The following RASGRP2 variants were observed in gnomAD, a reference collection of about 807,000 sequenced individuals.
RASGRP2 encodes RAS guanyl-releasing protein 2.
In RASGRP2, 44 loss-of-function variants were observed where a neutral mutation model predicts 71.0. That is an observed-to-expected ratio of 0.62 (90% CI 0.49 to 0.80). RASGRP2 has a LOEUF of 0.80. Among genes scored for constraint, RASGRP2 ranks in the 30% least tolerant of loss-of-function variants. The probability of loss-of-function intolerance (pLI) is 0.00; values close to 1 mark genes in which losing one functional copy is unlikely to be tolerated. For synonymous variants in RASGRP2, 350 were observed against 330.7 expected, an observed-to-expected ratio of 1.06 and a Z score of -0.63; for missense variants, 663 against 813.4, an observed-to-expected ratio of 0.82 and a Z score of 2.25.
In RASGRP2 at chr11:64,739,633, C is replaced by A. The variant is rs1383218076; in HGVS notation, c.696+3G>T. ...GGAGACACCGGGAGGGAGGGGCAGGCACCTCCGCCACGTGGACAAAGTGTG... is the reference window on the plus strand; with the variant it reads ...GGAGACACCGGGAGGGAGGGGCAGGAACCTCCGCCACGTGGACAAAGTGTG... On this transcript the variant is annotated splice_donor_region_variant and intron_variant, in intron 7 of 16. Transcript: ENST00000394432. This position sits in a 1 kb window ranked among gnomAD's most constrained non-coding sequence, Gnocchi z 4.2. 1.2e-6 allele frequency: 2 copies of A among 1,612,878 alleles called. No individual in the cohort carries two copies. Among genetic ancestry groups the A allele is most frequent in the Non-Finnish European group, 1.7e-6 (2 of 1,179,104 alleles).
rs1266682533 is a variant in RASGRP2, at chr11:64,742,942, C to A, written c.-71-5G>T. On this transcript the variant is annotated splice_polypyrimidine_tract_variant and splice_region_variant and intron_variant, in intron 1 of 16. Coordinates refer to ENST00000394432, the MANE Select transcript of RASGRP2 (RefSeq NM_001098671.2). The surrounding 1 kb of genome is among the most constrained non-coding windows in gnomAD (Gnocchi z 4.7). ...CACCGGGCTCGGACCGAACCCCTGT[C>A]CCGGGAGAGGCAGAGCGGGAGTCTG... 1.3e-6 allele frequency: 2 copies of A among 1,531,294 alleles called. No individual in the cohort carries two copies. Among genetic ancestry groups the A allele is most frequent in the African/African-American group, 2.7e-5 (2 of 72,794 alleles). 94.9% of individuals were successfully genotyped at this position (1,531,294 alleles called of 1,614,324 possible). A position where few individuals can be genotyped will look rare whatever the true frequency, so the allele number is the denominator to read the frequency against.
Position 64,729,344 on chromosome 11 carries a change from G to T in RASGRP2, c.1592-302C>A, listed in dbSNP as rs868865885. 6.3e-4 allele frequency among the ~76,000 whole-genome samples: 92 copies of T among 146,484 alleles called. 1 individual carries two copies. In the Middle Eastern group the frequency reaches 0.011, roughly 17 times the overall value. Reference sequence around the variant, plus strand: ...TTTTGGTTTTGGGGGTTTTTTTGTTGTTTTTTTTTTTGAGACAGAGCCCTC... The same window carrying T: ...TTTTGGTTTTGGGGGTTTTTTTGTTTTTTTTTTTTTTGAGACAGAGCCCTC... On this transcript the variant is annotated intron_variant, in intron 14 of 16. Transcript: ENST00000394432.
chr11:64,737,073 A>G, intron 8 of RASGRP2, 39 bp from the exon 9 acceptor site: 2 of 1,610,920 alleles, frequency 1.2e-6, no homozygotes, highest in Non-Finnish European at 1.7e-6. Context: ...CCCCACAACT[A>G]TCCTCCCTAC....
chr11:64,727,384 G>A, intron 15 of RASGRP2, 24 bp from the exon 16 acceptor site: 1 of 1,612,588 alleles, frequency 6.2e-7, no homozygotes, highest in Middle Eastern at 1.7e-4. Context: ...GATTGCTGCA[G>A]AACACACTTC....
intron 8 of RASGRP2, chr11:64,737,332 A>C: frequency 2.3e-6 from 1 of 443,270 alleles, no homozygotes; most frequent in Non-Finnish European, 4.2e-6. Flanking sequence ...GCACAGGACA[A>C]TGACCTGGAA....
intron 3 of RASGRP2, among the ~76,000 whole-genome samples, 184 bp downstream of exon 3, chr11:64,741,826 C>T (rs1312651818): frequency 1.3e-5 from 2 of 152,008 alleles, no homozygotes; most frequent in Admixed American, 1.3e-4. Flanking sequence ...GGGACAGGAC[C>T]GAGTCGCTAG....
At chr11:64,727,635 C>T (rs2057614420) in intron 15 of RASGRP2, among the ~76,000 whole-genome samples, 1 of 151,970 alleles carries the variant, frequency 6.6e-6, no homozygotes, top group South Asian at 2.1e-4. Flanking sequence ...GCCTCAGCCT[C>T]CCAAGTAGCT....
chr11:64,734,746 G>C (rs1005945928), intron 12 of RASGRP2, among the ~76,000 whole-genome samples: 1 of 152,158 alleles, frequency 6.6e-6, no homozygotes, highest in Non-Finnish European at 1.5e-5. Flanking sequence ...ACTGGGTACT[G>C]CTAATTACAA....
At chr11:64,733,080 G>A (rs763745111) in intron 12 of RASGRP2, among the ~76,000 whole-genome samples, 6 of 151,826 alleles carry the variant, frequency 4.0e-5, no homozygotes, top group Admixed American at 1.3e-4. Flanking sequence ...AGCCAAGATC[G>A]CGCTATTGCA....
chr11:64,737,611 G>A (rs1592374021), intron 8 of RASGRP2, among the ~76,000 whole-genome samples: 2 of 149,140 alleles, frequency 1.3e-5, no homozygotes, highest in African/African-American at 4.9e-5. Flanking sequence ...GGCAGAGGGT[G>A]CAGTGATGCA....
intron 5 of RASGRP2, chr11:64,740,477 G>C (rs1292158874): frequency 1.6e-6 from 1 of 631,700 alleles, no homozygotes; most frequent in African/African-American, 1.8e-5. Context: ...AGAAACACAT[G>C]ATCACAAAAC....
intron 9 of RASGRP2, among the ~76,000 whole-genome samples, chr11:64,736,218 A>C (rs2057934411): frequency 6.6e-6 from 1 of 152,196 alleles, no homozygotes; most frequent in African/African-American, 2.4e-5. Flanking sequence ...TCAGGGAAGA[A>C]GCCAGGTCGG....
chr11:64,744,045 C>A lies in RASGRP2; in HGVS notation c.-114G>T. 2 of 988,580 alleles carry A rather than the reference C, an allele frequency of 2.0e-6. No individual in the cohort carries two copies. Among genetic ancestry groups the A allele is most frequent in the Non-Finnish European group, 2.4e-6 (2 of 831,208 alleles). 61.2% of individuals were successfully genotyped at this position (988,580 alleles called of 1,614,324 possible). Reference sequence around the variant, plus strand: ...GAATGCAAACCCGCGGACGAGGTCGCCTCCTGGACGTGCTGTTCACTTGAG... The same window carrying A: ...GAATGCAAACCCGCGGACGAGGTCGACTCCTGGACGTGCTGTTCACTTGAG... On this transcript the variant is annotated 5_prime_UTR_variant, in exon 1 of 17. Coordinates refer to ENST00000394432, the MANE Select transcript of RASGRP2 (RefSeq NM_001098671.2).
chr11:64,740,621 TGA>T (rs578107496), intron 5 of RASGRP2: 83 of 652,430 alleles, frequency 1.3e-4, no homozygotes, highest in Non-Finnish European at 2.1e-4. Context: ...ATGCCTGAAC[TGA>T]GTCTTGGTAA....
Position 64,739,616 on chromosome 11 carries a change from C to T in RASGRP2, c.696+20G>A, listed in dbSNP as rs200466110. ...GGCATGTGGGGTGGTTGGGAGACAC[C>T]GGGAGGGAGGGGCAGGCACCTCCGC... On this transcript the variant is annotated intron_variant, in intron 7 of 16. Transcript: ENST00000394432. This position sits in a 1 kb window ranked among gnomAD's most constrained non-coding sequence, Gnocchi z 4.2. The T allele has an allele frequency of 1.8e-4, 290 of 1,612,628 alleles. 1 individual carries two copies. In the East Asian group the frequency reaches 4.5e-3, roughly 25 times the overall value.
Position 64,743,264 on chromosome 11 carries a change from A to C in RASGRP2, c.-71-327T>G, listed in dbSNP as rs2058200323. 2 of 480,148 alleles carry C rather than the reference A, an allele frequency of 4.2e-6. No homozygotes were observed. The highest frequency in any genetic ancestry group is 1.2e-4 in the East Asian group (2 of 16,336). The allele number at this position is 480,148 out of a possible 1,614,324, so 29.7% of individuals were successfully genotyped here. On this transcript the variant is annotated intron_variant, in intron 1 of 16. Coordinates refer to ENST00000394432, the MANE Select transcript of RASGRP2 (RefSeq NM_001098671.2). This position sits in a 1 kb window ranked among gnomAD's most constrained non-coding sequence, Gnocchi z 4.9. ...CTCCTCGCGCCCTCTCCCCAGAGGC[A>C]CCTGCAGCACCCCGCAGCTCGGCTC...
Position 64,735,014 on chromosome 11 carries a change from C to T in RASGRP2, c.1412+98G>A. 1.0e-6 allele frequency: 1 copy of T among 981,596 alleles called. No individual in the cohort carries two copies. Among genetic ancestry groups the T allele is most frequent in the Non-Finnish European group, 1.6e-6 (1 of 610,468 alleles). The allele number at this position is 981,596 out of a possible 1,614,324, so 60.8% of individuals were successfully genotyped here. On this transcript the variant is annotated intron_variant, in intron 12 of 16. Coordinates refer to ENST00000394432, the MANE Select transcript of RASGRP2 (RefSeq NM_001098671.2). The surrounding 1 kb of genome is among the most constrained non-coding windows in gnomAD (Gnocchi z 4.2). ...TGGCAGCTTCCCAGGCCAAGATCAT[C>T]TGGCTCAGTGACCTCATCTTGCACA...
intron 12 of RASGRP2, among the ~76,000 whole-genome samples, chr11:64,734,901 C>A (rs1263659411): frequency 6.6e-6 from 1 of 152,162 alleles, no homozygotes; most frequent in East Asian, 1.9e-4. Context: ...AGGTGGAGCC[C>A]CCCATCTGTC....
chr11:64,739,326 TGGGAAGCACC>T lies in RASGRP2; in HGVS notation c.813+24_813+33del, dbSNP rs776703785. ...TGGGAGGACCCAGTGAAGACAGACC[TGGGAAGCACC>T]GGCCCCTCCCCAGTCCCAGGCACCT... On this transcript the variant is annotated intron_variant, in intron 8 of 16. Transcript: ENST00000394432. The surrounding 1 kb of genome is among the most constrained non-coding windows in gnomAD (Gnocchi z 4.2). 4 of 1,548,298 alleles carry T rather than the reference TGGGAAGCACC, an allele frequency of 2.6e-6. No individual in the cohort carries two copies. In the South Asian group the frequency reaches 4.5e-5, roughly 17 times the overall value.
Sources: allele counts gnomAD v4.1 joint callset (sites outside exome capture counted in the v4.1 genomes callset), GRCh38; gene constraint gnomAD v4.1.1; non-coding constraint Gnocchi (gnomAD v3.1); transcripts MANE v1.5; gene names NCBI Gene and HGNC (gene_info 2026-07-23, HGNC 2026-07-21).